The following AKAP19 variants were observed in gnomAD, a reference collection of about 807,000 sequenced individuals.
AKAP19 encodes the protein A-kinase anchoring protein 19.
the AKAP19 span, among the ~76,000 whole-genome samples, chr2:190,088,772 G>A: frequency 6.6e-6 from 1 of 152,140 alleles, no homozygotes; most frequent in African/African-American, 2.4e-5. Flanking sequence ...TTTATTAGTT[G>A]TAACAGAAAA....
At chr2:190,118,581 G>C in the AKAP19 span, among the ~76,000 whole-genome samples, 1 of 152,062 alleles carries the variant, frequency 6.6e-6, no homozygotes, top group Non-Finnish European at 1.5e-5. Flanking sequence ...ATCAATAAAC[G>C]TAATCCAGCA....
At chr2:190,006,251 CTT>C in the AKAP19 span, among the ~76,000 whole-genome samples, 15 of 152,184 alleles carry the variant, frequency 9.9e-5, no homozygotes, top group Non-Finnish European at 2.1e-4. Flanking sequence ...GCATAAGAGA[CTT>C]TTTCTAAGAT....
chr2:190,143,922 CA>C, the AKAP19 span, among the ~76,000 whole-genome samples: 1 of 145,242 alleles, frequency 6.9e-6, no homozygotes, highest in Non-Finnish European at 1.5e-5. Flanking sequence ...ATCGCAAGAA[CA>C]AAAAACCAAA....
chr2:189,887,809 G>GT, the AKAP19 span, among the ~76,000 whole-genome samples: 5 of 150,170 alleles, frequency 3.3e-5, no homozygotes, highest in African/African-American at 7.4e-5. Context: ...ACTTTTTGAT[G>GT]GTTTTTTTTT....
the AKAP19 span, among the ~76,000 whole-genome samples, chr2:190,009,539 A>G: frequency 6.6e-6 from 1 of 152,226 alleles, no homozygotes; most frequent in African/African-American, 2.4e-5. Context: ...TGAGATGGCA[A>G]AGGCTGCAGT....
chr2:190,016,005 T>G, the AKAP19 span, among the ~76,000 whole-genome samples: 5 of 152,198 alleles, frequency 3.3e-5, no homozygotes, highest in Non-Finnish European at 7.3e-5. Context: ...TACATCATCA[T>G]CAGCATTTTG....
At chr2:190,043,379 T>C in the AKAP19 span, among the ~76,000 whole-genome samples, 1 of 152,204 alleles carries the variant, frequency 6.6e-6, no homozygotes, top group East Asian at 1.9e-4. Flanking sequence ...TTCTAGAGAT[T>C]TTGTTCATTC....
chr2:190,167,276 A>G, the AKAP19 span, among the ~76,000 whole-genome samples: 75,673 of 151,908 alleles, frequency 0.5, 19,103 homozygotes, highest in Middle Eastern at 0.62. Flanking sequence ...ATCAGATCTC[A>G]TGAGACTTAC....
the AKAP19 span, among the ~76,000 whole-genome samples, chr2:190,002,461 G>A: frequency 1.6e-3 from 247 of 152,152 alleles, 1 homozygote; most frequent in African/African-American, 5.4e-3. Flanking sequence ...ATTCATGGTT[G>A]CAGCACACCA....
the AKAP19 span, among the ~76,000 whole-genome samples, chr2:189,972,966 T>C: frequency 7.2e-5 from 11 of 151,936 alleles, no homozygotes; most frequent in African/African-American, 2.4e-4. Context: ...TAATTGAATA[T>C]CCTTTATTTC....
chr2:189,931,242 A>T, the AKAP19 span, among the ~76,000 whole-genome samples: 4 of 152,178 alleles, frequency 2.6e-5, no homozygotes, highest in African/African-American at 7.2e-5. Context: ...GAATTAATTT[A>T]CATTTACAAA....
chr2:189,936,153 G>A, the AKAP19 span, among the ~76,000 whole-genome samples: 1 of 151,872 alleles, frequency 6.6e-6, no homozygotes, highest in Non-Finnish European at 1.5e-5. Context: ...AATTCAACAT[G>A]TATATGTCTC....
the AKAP19 span, among the ~76,000 whole-genome samples, chr2:189,936,685 A>G: frequency 6.6e-6 from 1 of 152,238 alleles, no homozygotes; most frequent in Non-Finnish European, 1.5e-5. Context: ...GAAATTTTTC[A>G]TGGTATAGCT....
At chr2:190,092,900 T>A in the AKAP19 span, among the ~76,000 whole-genome samples, 1 of 152,164 alleles carries the variant, frequency 6.6e-6, no homozygotes, top group Non-Finnish European at 1.5e-5. Flanking sequence ...AATTCTAAAC[T>A]CTGTGAAGAG....
the AKAP19 span, among the ~76,000 whole-genome samples, chr2:190,038,961 C>CTTCTTCTTT: frequency 6.9e-6 from 1 of 145,046 alleles, no homozygotes; most frequent in Non-Finnish European, 1.5e-5. Context: ...TCTTCTTCTT[C>CTTCTTCTTT]TTCTTCTTCT....
chr2:189,910,273 C>T, the AKAP19 span, among the ~76,000 whole-genome samples: 107,134 of 151,916 alleles, frequency 0.71, 42,543 homozygotes, highest in Non-Finnish European at 0.89. Context: ...GAACAGGATA[C>T]GTGGTTTTAG....
chr2:190,193,800 A>G, the AKAP19 span, among the ~76,000 whole-genome samples: 1 of 151,910 alleles, frequency 6.6e-6, no homozygotes, highest in African/African-American at 2.4e-5. Context: ...TGCTTCACTG[A>G]TTTCTGTTCT....
the AKAP19 span, among the ~76,000 whole-genome samples, chr2:189,993,194 A>T: frequency 2.6e-5 from 4 of 152,278 alleles, no homozygotes; most frequent in African/African-American, 9.6e-5. Flanking sequence ...TATCCCTTCT[A>T]TGCGGATTTT....
chr2:189,880,662 G>A, the AKAP19 span, among the ~76,000 whole-genome samples: 29 of 152,152 alleles, frequency 1.9e-4, no homozygotes, highest in Non-Finnish European at 3.8e-4. Context: ...ACAAAGGAAG[G>A]GCAGTTTCTT....
Sources: allele counts gnomAD v4.1 joint callset (sites outside exome capture counted in the v4.1 genomes callset), GRCh38; gene constraint gnomAD v4.1.1; transcripts MANE v1.5; gene names NCBI Gene and HGNC (gene_info 2026-07-23, HGNC 2026-07-21).